The following IQCH variants were observed in gnomAD, a reference collection of about 807,000 sequenced individuals.
IQCH encodes the protein IQ domain-containing protein H.
IQCH carries 98 observed loss-of-function variants against 117.0 expected under a neutral mutation model. The ratio of observed to expected loss-of-function variants is 0.84; its 90% CI spans 0.71 to 0.99. IQCH has a LOEUF of 0.99. IQCH is among the 50% of genes least tolerant of loss of function. IQCH has a pLI of 0.00. For missense variants in IQCH, 1,102 were observed against 1,243.8 expected (o/e 0.89, Z 1.72); for synonymous variants, 412 against 448.2 (o/e 0.92, Z 1.02).
At chr15:67,288,432 T>G (rs891394535) in intron 4 of IQCH, among the ~76,000 whole-genome samples, 1 of 152,272 alleles carries the variant, frequency 6.6e-6, no homozygotes, top group Non-Finnish European at 1.5e-5. Flanking sequence ...GATCCAGTAT[T>G]GGGTGCATAT....
chr15:67,475,734 G>A lies in IQCH; in HGVS notation c.2715G>A (p.Gln905=), dbSNP rs549650888. Reference sequence around the variant, plus strand: ...GTCGCTATGCAGTGATGACCACCCAGCTAAGACACAGCAATCTCTCACTGG... The same window carrying A: ...GTCGCTATGCAGTGATGACCACCCAACTAAGACACAGCAATCTCTCACTGG... ...ATSRYAVMTT[Q]LRHSNLSLVF... is the part of the protein sequence containing the mutation. The change falls in exon 18 of 21, where the codon CAG becomes CAA. Residue 905 remains glutamine (Q), a synonymous_variant. Coordinates refer to ENST00000335894, the MANE Select transcript of IQCH (RefSeq NM_001031715.3). This position sits in a 1 kb window ranked among gnomAD's most constrained non-coding sequence, Gnocchi z 5.7. The A allele has an allele frequency of 6.2e-7, 1 of 1,614,034 alleles. No homozygotes were observed. Among genetic ancestry groups the A allele is most frequent in the African/African-American group, 1.3e-5 (1 of 75,038 alleles).
At chr15:67,358,642 T>A (rs1970012971) in intron 7 of IQCH, among the ~76,000 whole-genome samples, 1 of 152,210 alleles carries the variant, frequency 6.6e-6, no homozygotes, top group South Asian at 2.1e-4. Flanking sequence ...TTGAAACTTT[T>A]CACCACAGAA....
In IQCH at chr15:67,385,467, A is replaced by G. The variant is rs980856024; in HGVS notation, c.1456+448A>G. Among the ~76,000 whole-genome samples, 2 of 152,208 alleles carry G rather than the reference A, an allele frequency of 1.3e-5. No homozygotes were observed. The highest frequency in any genetic ancestry group is 2.9e-5 in the Non-Finnish European group (2 of 68,038). The stretch of plus-strand genomic sequence containing the variant: ...GGGAAAATTAAGATAGATTTTTAAA[A>G]GAAGCTTTTATTTAAATATAGAGCA... On this transcript the variant is annotated intron_variant, in intron 11 of 20. Coordinates refer to ENST00000335894, the MANE Select transcript of IQCH (RefSeq NM_001031715.3). The surrounding 1 kb of genome is among the most constrained non-coding windows in gnomAD (Gnocchi z 4.6).
At position 67,381,686 on chromosome 15, in the gene IQCH, A is replaced by C. The variant is rs1970933665; in HGVS notation, c.1373-3250A>C. Among the ~76,000 whole-genome samples, 1 of 152,174 alleles carries C rather than the reference A, an allele frequency of 6.6e-6. No individual in the cohort carries two copies. Among genetic ancestry groups the C allele is most frequent in the Non-Finnish European group, 1.5e-5 (1 of 68,022 alleles). On this transcript the variant is annotated intron_variant, in intron 10 of 20. Coordinates refer to ENST00000335894, the MANE Select transcript of IQCH (RefSeq NM_001031715.3). This position sits in a 1 kb window ranked among gnomAD's most constrained non-coding sequence, Gnocchi z 5.1. ...AGAACACACAGGAGAAAGGGCTAAG[A>C]ATTTAAAAGACAGGCCGGACATGGT...
At chr15:67,446,192 ATATTTTT>A (rs2082387681) in intron 16 of IQCH, among the ~76,000 whole-genome samples, 1 of 152,226 alleles carries the variant, frequency 6.6e-6, no homozygotes, top group South Asian at 2.1e-4. Flanking sequence ...TATATATTTT[ATATTTTT>A]TATTCACTTG....
intron 18 of IQCH, among the ~76,000 whole-genome samples, chr15:67,486,391 G>A (rs1039740798): frequency 1.3e-5 from 2 of 151,824 alleles, no homozygotes; most frequent in African/African-American, 4.8e-5. Flanking sequence ...TAATTTTAAA[G>A]TATTGAAAGG....
Position 67,356,155 on chromosome 15 carries a change from A to C in IQCH, c.638-1190A>C, listed in dbSNP as rs1205381428. ...ACACAGAATGTGGACTTACCTTCAG[A>C]AGTGGGAGAGCAAACTCCAAAGTGG... On this transcript the variant is annotated intron_variant, in intron 6 of 20. Transcript: ENST00000335894. This position sits in a 1 kb window ranked among gnomAD's most constrained non-coding sequence, Gnocchi z 5.3. 6.6e-6 allele frequency among the ~76,000 whole-genome samples: 1 copy of C among 152,198 alleles called. No individual in the cohort carries two copies. Among genetic ancestry groups the C allele is most frequent in the African/African-American group, 2.4e-5 (1 of 41,446 alleles).
chr15:67,296,774 A>G (rs1966854996), intron 4 of IQCH, among the ~76,000 whole-genome samples: 1 of 152,162 alleles, frequency 6.6e-6, no homozygotes, highest in Non-Finnish European at 1.5e-5. Context: ...CTGTCTCCTC[A>G]ATTCCAGATT....
intron 4 of IQCH, among the ~76,000 whole-genome samples, chr15:67,336,363 A>T (rs1181951009): frequency 6.6e-6 from 1 of 152,196 alleles, no homozygotes; most frequent in African/African-American, 2.4e-5. Flanking sequence ...TATATGCAAT[A>T]TATGTAATCT....
At position 67,476,340 on chromosome 15, in the gene IQCH, C is replaced by T. The variant is rs372247517; in HGVS notation, c.2799+522C>T. 5.1e-4 allele frequency among the ~76,000 whole-genome samples: 77 copies of T among 152,312 alleles called. No homozygotes were observed. The East Asian group carries it at 5.2e-3, about 10-fold the overall frequency. On this transcript the variant is annotated intron_variant, in intron 18 of 20. Transcript: ENST00000335894. The surrounding 1 kb of genome is among the most constrained non-coding windows in gnomAD (Gnocchi z 4.1). ...TGGCTTGTAAATGGCTGCCTCCTTG[C>T]GGTGTCCTCACATATGGAAGGAGAG...
chr15:67,349,010 C>A (rs1969532924), intron 6 of IQCH, among the ~76,000 whole-genome samples: 1 of 152,088 alleles, frequency 6.6e-6, no homozygotes, highest in Non-Finnish European at 1.5e-5. Context: ...ATGGAGAAGG[C>A]ATAATTTTTT....
At chr15:67,346,312 C>T (rs546735638) in intron 6 of IQCH, among the ~76,000 whole-genome samples, 41 of 142,646 alleles carry the variant, frequency 2.9e-4, no homozygotes, top group African/African-American at 1.1e-3. Context: ...GAACTAGTAA[C>T]CCCCCCCCAA....
At chr15:67,263,714 T>C (rs1288948626) in intron 3 of IQCH, among the ~76,000 whole-genome samples, 1 of 152,202 alleles carries the variant, frequency 6.6e-6, no homozygotes, top group Non-Finnish European at 1.5e-5. Context: ...CACCTGGTAC[T>C]TTATGGTTTT....
rs1439614197 is a variant in IQCH, at chr15:67,366,304, G to A, written c.754-5807G>A. Among the ~76,000 whole-genome samples the A allele has an allele frequency of 6.6e-6, 1 of 152,160 alleles. No individual in the cohort carries two copies. Among genetic ancestry groups the A allele is most frequent in the Non-Finnish European group, 1.5e-5 (1 of 68,032 alleles). On this transcript the variant is annotated intron_variant, in intron 8 of 20. Coordinates refer to ENST00000335894, the MANE Select transcript of IQCH (RefSeq NM_001031715.3). The surrounding 1 kb of genome is among the most constrained non-coding windows in gnomAD (Gnocchi z 4.4). ...CTCAGAGAATATTAGAGGTATAACA[G>A]AAAAGATGAAATCAATGCAGCAGTA...
intron 4 of IQCH, among the ~76,000 whole-genome samples, chr15:67,296,017 ATTTTAT>A (rs1966850309): frequency 2.0e-5 from 3 of 152,278 alleles, no homozygotes; most frequent in Admixed American, 6.5e-5. Context: ...ATCCTAGTGT[ATTTTAT>A]TTAGAGCATT....
intron 5 of IQCH, among the ~76,000 whole-genome samples, chr15:67,343,788 CT>C (rs1404756260): frequency 1.3e-5 from 2 of 152,094 alleles, no homozygotes; most frequent in Admixed American, 6.6e-5. Flanking sequence ...TTTAGTTTGC[CT>C]TGAAATTATA....
rs2081872218 is a variant in IQCH, at chr15:67,425,731, A to G, written c.2505+4154A>G. ...ATTCCACCCAGAAAACTTAGCATCCATTGGCAACTTTTTCCACTACCACTA... is the reference window on the plus strand; with the variant it reads ...ATTCCACCCAGAAAACTTAGCATCCGTTGGCAACTTTTTCCACTACCACTA... On this transcript the variant is annotated intron_variant, in intron 16 of 20. Transcript: ENST00000335894. This position sits in a 1 kb window ranked among gnomAD's most constrained non-coding sequence, Gnocchi z 5.5. Among the ~76,000 whole-genome samples the G allele has an allele frequency of 6.6e-6, 1 of 152,206 alleles. No individual in the cohort carries two copies. Among genetic ancestry groups the G allele is most frequent in the African/African-American group, 2.4e-5 (1 of 41,454 alleles).
At position 67,372,578 on chromosome 15, in the gene IQCH, GTTATATTGCCA is replaced by G. The variant is rs1567135919; in HGVS notation, c.1223_1233del (p.Leu408Ter). The G allele has an allele frequency of 6.2e-7, 1 of 1,614,070 alleles. No homozygotes were observed. Among genetic ancestry groups the G allele is most frequent in the Non-Finnish European group, 8.5e-7 (1 of 1,179,976 alleles). ...CAGGTGTGATTGCCATTGCTTGGCT[GTTATATTGCCA>G]TAAGACTCGACTAAAGAAGATACTA... is the stretch of plus-strand genomic sequence containing the variant. On this transcript the variant is annotated frameshift_variant, in exon 9 of 21. Transcript: ENST00000335894. LOFTEE classifies it high-confidence loss of function.
intron 4 of IQCH, among the ~76,000 whole-genome samples, chr15:67,295,215 T>C (rs1434036012): frequency 6.6e-6 from 1 of 152,188 alleles, no homozygotes; most frequent in Non-Finnish European, 1.5e-5. Flanking sequence ...TCATTTTTTG[T>C]GTCAGAGTCT....
Sources: gnomAD v4.1 joint callset for allele counts (sites outside exome capture counted in the v4.1 genomes callset) on GRCh38, gnomAD v4.1.1 for gene constraint, Gnocchi (gnomAD v3.1) non-coding constraint, MANE v1.5 for transcripts, NCBI Gene and HGNC (gene_info 2026-07-23, HGNC 2026-07-21) for gene names.